KHDRBS2: variants seen among roughly 807,000 people sequenced by gnomAD.
KHDRBS2 encodes KH RNA binding domain containing, signal transduction associated 2.
Under a neutral mutation model 44.3 loss-of-function variants are expected in KHDRBS2, and 26 were observed. The observed-to-expected ratio is 0.59, with a 90% CI of 0.43 to 0.81. The LOEUF is 0.81. KHDRBS2 is among the 40% of genes least tolerant of loss of function. The pLI is 0.00. For synonymous variants in KHDRBS2, 194 were observed against 151.1 expected (o/e 1.28, Z -2.08); for missense variants, 476 against 433.1 (o/e 1.10, Z -0.88).
intron 2 of KHDRBS2, among the ~76,000 whole-genome samples, chr6:62,158,810 T>G (rs1307219157): frequency 6.6e-6 from 1 of 152,146 alleles, no homozygotes; most frequent in African/African-American, 2.4e-5. Flanking sequence ...GACCTATTTT[T>G]TTCATATTCT....
chr6:62,072,729 T>C (rs1000340095), intron 2 of KHDRBS2, among the ~76,000 whole-genome samples: 1 of 152,216 alleles, frequency 6.6e-6, no homozygotes, highest in African/African-American at 2.4e-5. Context: ...GATGTGCTGC[T>C]GGATTCGGTT....
intron 6 of KHDRBS2, among the ~76,000 whole-genome samples, chr6:61,849,007 G>A (rs1186451845): frequency 6.6e-6 from 1 of 151,924 alleles, no homozygotes. Flanking sequence ...ATCACACAGG[G>A]CAACAGCTAC....
At chr6:62,251,331 C>T (rs919291710) in intron 1 of KHDRBS2, among the ~76,000 whole-genome samples, 1 of 151,578 alleles carries the variant, frequency 6.6e-6, no homozygotes, top group African/African-American at 2.4e-5. Flanking sequence ...CTTCAAATGG[C>T]TAATTAAAAA....
At chr6:61,665,314 A>G in the KHDRBS2 span, among the ~76,000 whole-genome samples, 5 of 151,496 alleles carry the variant, frequency 3.3e-5, no homozygotes, top group East Asian at 2.0e-4. Context: ...CAGAAGTATT[A>G]GGAAATATTT....
At chr6:61,734,142 C>T (rs529259356) in intron 6 of KHDRBS2, among the ~76,000 whole-genome samples, 8 of 152,096 alleles carry the variant, frequency 5.3e-5, no homozygotes, top group Non-Finnish European at 2.9e-5. Context: ...CGTGGTCTTA[C>T]CATCATATAA....
At chr6:62,170,499 C>T (rs773884229) in intron 2 of KHDRBS2, among the ~76,000 whole-genome samples, 3 of 152,114 alleles carry the variant, frequency 2.0e-5, no homozygotes, top group African/African-American at 4.8e-5. Context: ...AGAAGAACCA[C>T]GCAGGACAGT....
intron 6 of KHDRBS2, among the ~76,000 whole-genome samples, chr6:61,773,493 G>GT (rs1781364797): frequency 6.6e-6 from 1 of 151,688 alleles, no homozygotes; most frequent in Admixed American, 6.6e-5. Flanking sequence ...GGGGTTGTTT[G>GT]TTTTTTTCTT....
chr6:62,169,160 T>TATAC (rs1487453661), intron 2 of KHDRBS2, among the ~76,000 whole-genome samples: 1,025 of 85,150 alleles, frequency 0.012, 9 homozygotes, highest in African/African-American at 0.031. Flanking sequence ...TATATATACG[T>TATAC]ACACATATAT....
chr6:62,041,805 C>CA (rs1445256185), intron 3 of KHDRBS2, among the ~76,000 whole-genome samples: 2 of 151,908 alleles, frequency 1.3e-5, no homozygotes, highest in Non-Finnish European at 2.9e-5. Flanking sequence ...AACTTTGATT[C>CA]AAAATTCATA....
At chr6:62,183,287 G>T (rs1377693854) in intron 1 of KHDRBS2, among the ~76,000 whole-genome samples, 1 of 151,364 alleles carries the variant, frequency 6.6e-6, no homozygotes, top group Non-Finnish European at 1.5e-5. Flanking sequence ...ATTTTAAGTT[G>T]GTTATTTAAG....
rs565760728 is a variant in KHDRBS2 at position 61,758,833 on chromosome 6, T to C, written c.811-26069A>G. Among the ~76,000 whole-genome samples, 4 of 152,138 alleles carry C rather than the reference T, an allele frequency of 2.6e-5. No homozygotes were observed. In the East Asian group the frequency reaches 5.8e-4, roughly 22 times the overall value. Reference sequence around the variant, plus strand: ...GTTATGTAAATATATATTTAGGGTATAGGAGACATGTACATTATTGAATCA... The same window carrying C: ...GTTATGTAAATATATATTTAGGGTACAGGAGACATGTACATTATTGAATCA... On this transcript the variant is annotated intron_variant, in intron 6 of 8. Coordinates refer to ENST00000281156, the MANE Select transcript of KHDRBS2 (RefSeq NM_152688.4).
chr6:61,785,165 CA>C (rs375948153), intron 6 of KHDRBS2, among the ~76,000 whole-genome samples: 60 of 135,924 alleles, frequency 4.4e-4, no homozygotes, highest in African/African-American at 9.3e-4. Flanking sequence ...AACAAACAAA[CA>C]AACAACAACA....
At chr6:61,825,459 A>G (rs1247665943) in intron 6 of KHDRBS2, among the ~76,000 whole-genome samples, 2 of 152,158 alleles carry the variant, frequency 1.3e-5, no homozygotes, top group African/African-American at 4.8e-5. Context: ...ACGCCAACCT[A>G]TGTGTACTTA....
chr6:62,106,164 C>A (rs908846609), intron 2 of KHDRBS2, among the ~76,000 whole-genome samples: 1 of 152,000 alleles, frequency 6.6e-6, no homozygotes, highest in Non-Finnish European at 1.5e-5. Flanking sequence ...AATTTCTGTT[C>A]TTTTACATTT....
intron 1 of KHDRBS2, among the ~76,000 whole-genome samples, chr6:62,272,226 G>C (rs1840207507): frequency 2.6e-5 from 4 of 152,174 alleles, no homozygotes; most frequent in Admixed American, 1.3e-4. Context: ...GTGTGTGGTA[G>C]CTATTCCATT....
intron 7 of KHDRBS2, among the ~76,000 whole-genome samples, chr6:61,726,434 A>T (rs750420863): frequency 6.6e-6 from 1 of 152,194 alleles, no homozygotes; most frequent in Non-Finnish European, 1.5e-5. Flanking sequence ...GCAATCAGGC[A>T]AGAGAAAGAA....
chr6:61,891,145 A>G (rs1309781362), intron 6 of KHDRBS2, among the ~76,000 whole-genome samples: 18 of 152,222 alleles, frequency 1.2e-4, no homozygotes, highest in Admixed American at 1.2e-3. Context: ...TAAGACATTG[A>G]AGAGGACAGC....
chr6:61,765,401 T>A (rs1779860337), intron 6 of KHDRBS2, among the ~76,000 whole-genome samples: 3 of 152,168 alleles, frequency 2.0e-5, no homozygotes, highest in Admixed American at 2.0e-4. Flanking sequence ...CAATGAGCTC[T>A]GATTGTGTCA....
At chr6:61,851,908 G>T (rs1028089399) in intron 6 of KHDRBS2, among the ~76,000 whole-genome samples, 1 of 152,184 alleles carries the variant, frequency 6.6e-6, no homozygotes, top group African/African-American at 2.4e-5. Flanking sequence ...TTAAGAAAAT[G>T]TGCATATTCT....
Sources: allele counts gnomAD v4.1 joint callset (sites outside exome capture counted in the v4.1 genomes callset), GRCh38; gene constraint gnomAD v4.1.1; transcripts MANE v1.5; gene names NCBI Gene and HGNC (gene_info 2026-07-23, HGNC 2026-07-21).